The following ORC5 variants were observed in gnomAD, a reference collection of about 807,000 sequenced individuals.
ORC5 encodes origin recognition complex subunit 5.
Under a neutral mutation model 58.8 loss-of-function variants are expected in ORC5, and 39 were observed. The observed-to-expected ratio is 0.66, with a 90% CI of 0.51 to 0.87. ORC5 has a LOEUF of 0.87. Among genes scored for constraint, ORC5 ranks in the 40% least tolerant of loss-of-function variants. The pLI, the probability that ORC5 is intolerant of heterozygous loss-of-function variation, is 0.00. For missense variants in ORC5, 493 were observed against 506.3 expected (o/e 0.97, Z 0.25); for synonymous variants, 218 against 177.6 (o/e 1.23, Z -1.81).
intron 3 of ORC5, among the ~76,000 whole-genome samples, chr7:104,198,447 G>A (rs1229524184): frequency 1.3e-5 from 2 of 152,200 alleles, no homozygotes; most frequent in Non-Finnish European, 2.9e-5. Context: ...AAAGAGAAGG[G>A]TGGCATTTTG....
At chr7:104,172,090 G>A (rs777938464) in intron 8 of ORC5, among the ~76,000 whole-genome samples, 2 of 152,148 alleles carry the variant, frequency 1.3e-5, no homozygotes, top group African/African-American at 4.8e-5. Flanking sequence ...CTCCAGAGCT[G>A]GCCCTGTTGG....
At chr7:104,167,489 C>T (rs1019949775) in intron 9 of ORC5, among the ~76,000 whole-genome samples, 1 of 152,144 alleles carries the variant, frequency 6.6e-6, no homozygotes, top group Non-Finnish European at 1.5e-5. Context: ...ATAAATCATA[C>T]CCCTTAGTAA....
At chr7:104,192,939 C>T (rs964405829) in intron 5 of ORC5, among the ~76,000 whole-genome samples, 2 of 149,124 alleles carry the variant, frequency 1.3e-5, no homozygotes, top group African/African-American at 4.9e-5. Flanking sequence ...CACACACACA[C>T]ACAGATTTAA....
intron 12 of ORC5, among the ~76,000 whole-genome samples, chr7:104,160,869 T>C (rs1196975905): frequency 1.3e-5 from 2 of 152,196 alleles, no homozygotes; most frequent in African/African-American, 4.8e-5. Context: ...CATGAGGTTA[T>C]ACTTGTAAAC....
At chr7:104,127,627 T>G (rs1457228958) in intron 13 of ORC5, among the ~76,000 whole-genome samples, 1 of 152,234 alleles carries the variant, frequency 6.6e-6, no homozygotes, top group African/African-American at 2.4e-5. Flanking sequence ...GCCTTAAGTA[T>G]TCAATTCTGC....
intron 8 of ORC5, among the ~76,000 whole-genome samples, chr7:104,173,838 A>ATTTTTTTTTTTT (rs746698932): frequency 8.1e-6 from 1 of 122,756 alleles, no homozygotes; most frequent in Admixed American, 8.1e-5. Context: ...TGGGTTTAAA[A>ATTTTTTTTTTTT]TTTTTTCTTT....
chr7:104,130,817 T>C (rs2115728087), intron 13 of ORC5, among the ~76,000 whole-genome samples: 1 of 152,322 alleles, frequency 6.6e-6, no homozygotes, highest in Non-Finnish European at 1.5e-5. Context: ...CATTTTTTCC[T>C]GATCTACAAA....
chr7:104,183,182 G>T (rs1283565454), intron 8 of ORC5, among the ~76,000 whole-genome samples: 5 of 152,032 alleles, frequency 3.3e-5, no homozygotes, highest in African/African-American at 4.8e-5. Flanking sequence ...AACAATGCTG[G>T]CCCAAGCACT....
At chr7:104,158,406 A>T (rs1223493312) in intron 12 of ORC5, among the ~76,000 whole-genome samples, 1 of 152,182 alleles carries the variant, frequency 6.6e-6, no homozygotes, top group South Asian at 2.1e-4. Context: ...CATTCAGGAC[A>T]TAGGCATGGG....
At chr7:104,158,806 A>G (rs1295999737) in intron 12 of ORC5, among the ~76,000 whole-genome samples, 2 of 151,770 alleles carry the variant, frequency 1.3e-5, no homozygotes, top group Non-Finnish European at 1.5e-5. Context: ...TAGAATGGCG[A>G]TCATTAAAAA....
chr7:104,151,638 G>C (rs1302180234), intron 12 of ORC5, among the ~76,000 whole-genome samples: 2 of 152,158 alleles, frequency 1.3e-5, no homozygotes, highest in Non-Finnish European at 2.9e-5. Flanking sequence ...AAAGATTTAG[G>C]GAATGATTTG....
intron 8 of ORC5, among the ~76,000 whole-genome samples, chr7:104,178,856 T>G (rs1799375684): frequency 6.6e-6 from 1 of 152,120 alleles, no homozygotes; most frequent in Non-Finnish European, 1.5e-5. Context: ...TATAATTCTG[T>G]ACACAAAGTG....
chr7:104,145,760 A>G (rs1006667391), intron 12 of ORC5, among the ~76,000 whole-genome samples: 7 of 152,158 alleles, frequency 4.6e-5, no homozygotes, highest in Non-Finnish European at 1.0e-4. Flanking sequence ...CTAGGGCTAC[A>G]GAAACAATAT....
chr7:104,207,780 A>G, intron 1 of ORC5, 53 bp downstream of exon 1: 1 of 1,541,652 alleles, frequency 6.5e-7, no homozygotes, highest in Non-Finnish European at 9.0e-7. Context: ...ACAGGTCGCA[A>G]GACTACCGAA....
chr7:104,151,564 C>A (rs747558860), intron 12 of ORC5, among the ~76,000 whole-genome samples: 32 of 152,182 alleles, frequency 2.1e-4, no homozygotes, highest in Middle Eastern at 3.4e-3. Context: ...ATGGCAGGTG[C>A]TTAGTAATGG....
chr7:104,195,246 T>A lies in ORC5; in HGVS notation c.450A>T (p.Arg150Ser). Residue 150 changes from arginine (R) to serine (S), a missense_variant, in exon 5 of 14, where the codon AGA becomes AGT. Transcript: ENST00000297431. ...GFLRLQELAD[R>S]NVTVLFLSEI... ...CACTGAGAAAGAGAACAGTCACATT[T>A]CTGTCAGCCTGTAAAAAGAAAGAAA... 1 of 1,528,944 alleles carries A rather than the reference T, an allele frequency of 6.5e-7. No homozygotes were observed. The highest frequency in any genetic ancestry group is 8.8e-7 in the Non-Finnish European group (1 of 1,138,192). The allele number at this position is 1,528,944 out of a possible 1,614,324, so 94.7% of individuals were successfully genotyped here.
intron 8 of ORC5, among the ~76,000 whole-genome samples, chr7:104,169,476 T>C (rs924110625): frequency 2.0e-5 from 3 of 152,058 alleles, no homozygotes; most frequent in Non-Finnish European, 2.9e-5. Context: ...CTACGACAGT[T>C]TTAGCTGCAT....
chr7:104,138,963 A>G lies in ORC5; in HGVS notation c.1150-2070T>C, dbSNP rs117718260. On this transcript the variant is annotated intron_variant, in intron 12 of 13. Coordinates refer to ENST00000297431, the MANE Select transcript of ORC5 (RefSeq NM_002553.4). The surrounding 1 kb of genome is among the most constrained non-coding windows in gnomAD (Gnocchi z 4.7). Reference sequence around the variant, plus strand: ...TAAAATATTAAGTTCTCTGAAATCTAAGAAAGGAAGCTGATCCAAGAGCTG... The same window carrying G: ...TAAAATATTAAGTTCTCTGAAATCTGAGAAAGGAAGCTGATCCAAGAGCTG... 0.02 allele frequency among the ~76,000 whole-genome samples: 3,051 copies of G among 152,306 alleles called. 59 individuals are homozygous for G. Among genetic ancestry groups the G allele is most frequent in the Middle Eastern group, 0.054 (16 of 294 alleles).
chr7:104,197,818 C>A lies in ORC5; in HGVS notation c.367-19G>T. 6.8e-7 allele frequency: 1 copy of A among 1,467,638 alleles called. No homozygotes were observed. Among genetic ancestry groups the A allele is most frequent in the Middle Eastern group, 1.8e-4 (1 of 5,470 alleles). The allele number at this position is 1,467,638 out of a possible 1,614,324, so 90.9% of individuals were successfully genotyped here. A position where few individuals can be genotyped will look rare whatever the true frequency, so the allele number is the denominator to read the frequency against. ...CTAGAACCTTTAAAAAACAAAAAAA[C>A]AAAACAAAAAGAAATGCATTTACAA... On this transcript the variant is annotated intron_variant, in intron 3 of 13. Transcript: ENST00000297431.
Sources: gnomAD v4.1 joint callset for allele counts (sites outside exome capture counted in the v4.1 genomes callset) on GRCh38, gnomAD v4.1.1 for gene constraint, Gnocchi (gnomAD v3.1) non-coding constraint, MANE v1.5 for transcripts, NCBI Gene and HGNC (gene_info 2026-07-23, HGNC 2026-07-21) for gene names.